IKBKE: variants seen among roughly 807,000 people sequenced by gnomAD.
IKBKE encodes the protein inhibitor of nuclear factor kappa B kinase subunit epsilon.
IKBKE carries 45 observed loss-of-function variants against 92.1 expected under a neutral mutation model. That is an observed-to-expected ratio of 0.49 (90% CI 0.38 to 0.63). IKBKE has a LOEUF of 0.63. IKBKE is among the 20% of genes least tolerant of loss of function. The pLI is 0.00. For missense variants in IKBKE, 700 were observed against 932.8 expected (o/e 0.75, Z 3.25); for synonymous variants, 374 against 380.3 (o/e 0.98, Z 0.19).
In IKBKE at chr1:206,476,856, G is replaced by T. The variant is rs1553385499; in HGVS notation, c.701+18G>T. On this transcript the variant is annotated intron_variant, in intron 7 of 21. Transcript: ENST00000581977. This position sits in a 1 kb window ranked among gnomAD's most constrained non-coding sequence, Gnocchi z 5.1. The stretch of plus-strand genomic sequence containing the variant: ...GAGATCATGTACGGTGGGCCACAGG[G>T]CAGGGAATGGGGCGGACTGGCAGTC... 1.9e-6 allele frequency: 3 copies of T among 1,613,766 alleles called. No individual in the cohort carries two copies. Among genetic ancestry groups the T allele is most frequent in the East Asian group, 4.5e-5 (2 of 44,870 alleles).
chr1:206,474,588 CA>C, intron 4 of IKBKE, 117 bp downstream of exon 4: 2 of 1,124,760 alleles, frequency 1.8e-6, no homozygotes, highest in Non-Finnish European at 2.5e-6. Flanking sequence ...TCAGAGACAG[CA>C]GGCAAATTGC....
chr1:206,472,086 C>T (rs1483213732), intron 2 of IKBKE, among the ~76,000 whole-genome samples: 2 of 152,130 alleles, frequency 1.3e-5, no homozygotes, highest in Non-Finnish European at 2.9e-5. Flanking sequence ...CCCATCTCTA[C>T]TAAAAATACA....
chr1:206,479,770 G>A (rs1000756535), intron 10 of IKBKE, 100 bp from the exon 11 acceptor site: 1 of 1,239,320 alleles, frequency 8.1e-7, no homozygotes, highest in Non-Finnish European at 1.2e-6. Flanking sequence ...CCTGAGGTGG[G>A]AGATTGGCAG....
In IKBKE at chr1:206,476,711, A is replaced by G. The variant is rs1665085112; in HGVS notation, c.574A>G (p.Lys192Glu). The change falls in exon 7 of 22, where the codon AAG becomes GAG. Residue 192 changes from lysine (K) to glutamate (E), a missense_variant. Transcript: ENST00000581977. This position sits in a 1 kb window ranked among gnomAD's most constrained non-coding sequence, Gnocchi z 5.1. ...PDMYERAVLR[K>E]PQQKAFGVTV... The stretch of plus-strand genomic sequence containing the variant: ...CATGTATGAGCGGGCGGTGCTTCGA[A>G]AGCCCCAGCAAAAAGCGTTCGGGGT... 2 of 1,614,216 alleles carry G rather than the reference A, an allele frequency of 1.2e-6. No individual in the cohort carries two copies. The highest frequency in any genetic ancestry group is 1.7e-6 in the Non-Finnish European group (2 of 1,180,042).
At chr1:206,480,979 T>C (rs568219370) in intron 13 of IKBKE, among the ~76,000 whole-genome samples, 1 of 152,320 alleles carries the variant, frequency 6.6e-6, no homozygotes, top group African/African-American at 2.4e-5. Context: ...CTGCTTTCTC[T>C]GAGTCTTCAA....
chr1:206,492,999 T>C lies in IKBKE; in HGVS notation c.1836-24T>C, dbSNP rs1312214742. The C allele has an allele frequency of 1.0e-5, 16 of 1,551,394 alleles. No homozygotes were observed. In the African/African-American group the frequency reaches 1.8e-4, roughly 17 times the overall value. Reference sequence around the variant, plus strand: ...AATGGGCTGAGTCCTGCTCTAATTCTAAGTCTCTGTGTGTTCTCTTGAGGG... The same window carrying C: ...AATGGGCTGAGTCCTGCTCTAATTCCAAGTCTCTGTGTGTTCTCTTGAGGG... On this transcript the variant is annotated intron_variant, in intron 18 of 21. Coordinates refer to ENST00000581977, the MANE Select transcript of IKBKE (RefSeq NM_014002.4).
rs41299874 is a variant in IKBKE at position 206,493,804 on chromosome 1, A to C, written c.2046-116A>C. The C allele has an allele frequency of 7.1e-3, 5,212 of 737,056 alleles. 74 individuals are homozygous for C. The highest frequency in any genetic ancestry group is 0.048 in the African/African-American group (2,723 of 56,714). 45.7% of individuals were successfully genotyped at this position (737,056 alleles called of 1,614,324 possible). On this transcript the variant is annotated intron_variant, in intron 20 of 21. Coordinates refer to ENST00000581977, the MANE Select transcript of IKBKE (RefSeq NM_014002.4). The stretch of plus-strand genomic sequence containing the variant: ...ACTCCGTCTCAAATAAGCAAACAAA[A>C]AAGAATAAAGAGGCTTCTTTGGTGG...
At chr1:206,486,836 G>C (rs1277255769) in intron 15 of IKBKE, among the ~76,000 whole-genome samples, 6 of 145,042 alleles carry the variant, frequency 4.1e-5, no homozygotes, top group African/African-American at 1.5e-4. Flanking sequence ...TCGAGGCCCC[G>C]TCCTTTTGGA....
intron 2 of IKBKE, among the ~76,000 whole-genome samples, chr1:206,471,748 A>G (rs1664785615): frequency 6.6e-6 from 1 of 152,190 alleles, no homozygotes; most frequent in African/African-American, 2.4e-5. Context: ...CCTGATCTGA[A>G]ACTAGGAGTT....
intron 4 of IKBKE, 130 bp from the exon 5 acceptor site, chr1:206,474,735 G>C: frequency 8.9e-7 from 1 of 1,129,808 alleles, no homozygotes; most frequent in Non-Finnish European, 1.3e-6. Flanking sequence ...GTGAGGCCAA[G>C]GAGGGAAGGC....
Position 206,490,695 on chromosome 1 carries a change from G to A in IKBKE, c.1694-124G>A. 1 of 950,742 alleles carries A rather than the reference G, an allele frequency of 1.1e-6. No homozygotes were observed. The highest frequency in any genetic ancestry group is 1.7e-6 in the Non-Finnish European group (1 of 589,702). 58.9% of individuals were successfully genotyped at this position (950,742 alleles called of 1,614,324 possible). ...TCTGCCCCTCCTGCTCCGCTGGGCG[G>A]TGAGTTCCCGTGAAGCAGCACAGGC... On this transcript the variant is annotated intron_variant, in intron 16 of 21. Coordinates refer to ENST00000581977, the MANE Select transcript of IKBKE (RefSeq NM_014002.4). The surrounding 1 kb of genome is among the most constrained non-coding windows in gnomAD (Gnocchi z 5.2).
At chr1:206,473,655 A>C (rs1664897367) in intron 3 of IKBKE, among the ~76,000 whole-genome samples, 1 of 151,928 alleles carries the variant, frequency 6.6e-6, no homozygotes, top group African/African-American at 2.4e-5. Flanking sequence ...GATGATATCC[A>C]CTCTGTCTTA....
rs58971788 is a variant in IKBKE, at chr1:206,494,592, CTTTTTTTTTTTTT to C, written c.2117+618_2117+630del. The stretch of plus-strand genomic sequence containing the variant: ...TTTTGCATACCAGTAAAAGTTCTTT[CTTTTTTTTTTTTT>C]TTTTTTTTTTTTTTTTGAGACGGAG... On this transcript the variant is annotated intron_variant, in intron 21 of 21. Coordinates refer to ENST00000581977, the MANE Select transcript of IKBKE (RefSeq NM_014002.4). 2.2e-3 allele frequency among the ~76,000 whole-genome samples: 143 copies of C among 63,902 alleles called. 2 individuals are homozygous for C. The highest frequency in any genetic ancestry group is 7.6e-3 in the African/African-American group (132 of 17,406). The allele number at this position is 63,902 out of a possible 152,430, so 41.9% of individuals were successfully genotyped here. A position where few individuals can be genotyped will look rare whatever the true frequency, so the allele number is the denominator to read the frequency against.
At chr1:206,475,216 C>T (rs1553384944) in intron 5 of IKBKE, 3 of 533,866 alleles carry the variant, frequency 5.6e-6, no homozygotes, top group African/African-American at 3.8e-5. Flanking sequence ...GTGGGAGGTA[C>T]CTAAAATAGA....
At chr1:206,491,842 A>T (rs1665965238) in intron 18 of IKBKE, 93 bp downstream of exon 18, 1 of 884,348 alleles carries the variant, frequency 1.1e-6, no homozygotes, top group South Asian at 1.3e-5. Flanking sequence ...CCTGAGGCAG[A>T]GGGAGGAGTG....
chr1:206,487,846 C>A lies in IKBKE; in HGVS notation c.1617-68C>A. Reference sequence around the variant, plus strand: ...CTCCCCTATTCCACTGCCACCCTTCCCCTCCCTCCCTCTTTCCTCTGTGCT... The same window carrying A: ...CTCCCCTATTCCACTGCCACCCTTCACCTCCCTCCCTCTTTCCTCTGTGCT... On this transcript the variant is annotated intron_variant, in intron 15 of 21. Transcript: ENST00000581977. The surrounding 1 kb of genome is among the most constrained non-coding windows in gnomAD (Gnocchi z 5.3). 7.7e-7 allele frequency: 1 copy of A among 1,295,558 alleles called. No individual in the cohort carries two copies. Among genetic ancestry groups the A allele is most frequent in the South Asian group, 1.2e-5 (1 of 80,112 alleles). 80.3% of individuals were successfully genotyped at this position (1,295,558 alleles called of 1,614,324 possible).
chr1:206,472,552 C>T lies in IKBKE; in HGVS notation c.-32-644C>T, dbSNP rs138156721. Among the ~76,000 whole-genome samples the T allele has an allele frequency of 1.2e-4, 18 of 151,140 alleles. No individual in the cohort carries two copies. The East Asian group carries it at 3.3e-3, about 28-fold the overall frequency. ...TCACACACACACCCACACCCTTCTCCCCAACGCCCTACACACATACACACA... is the reference window on the plus strand; with the variant it reads ...TCACACACACACCCACACCCTTCTCTCCAACGCCCTACACACATACACACA... On this transcript the variant is annotated intron_variant, in intron 2 of 21. Transcript: ENST00000581977.
chr1:206,487,804 C>A lies in IKBKE; in HGVS notation c.1617-110C>A. On this transcript the variant is annotated intron_variant, in intron 15 of 21. Coordinates refer to ENST00000581977, the MANE Select transcript of IKBKE (RefSeq NM_014002.4). This position sits in a 1 kb window ranked among gnomAD's most constrained non-coding sequence, Gnocchi z 5.3. ...CCACTCCCAGACTGATCCCCCAAAACTGTGGCTGTGAGGCTCCTCCCCTAT... is the reference window on the plus strand; with the variant it reads ...CCACTCCCAGACTGATCCCCCAAAAATGTGGCTGTGAGGCTCCTCCCCTAT... The A allele has an allele frequency of 2.5e-6, 2 of 801,004 alleles. No individual in the cohort carries two copies. Among genetic ancestry groups the A allele is most frequent in the South Asian group, 1.6e-5 (1 of 61,532 alleles). The allele number at this position is 801,004 out of a possible 1,614,324, so 49.6% of individuals were successfully genotyped here.
At chr1:206,474,633 G>A (rs543222268) in intron 4 of IKBKE, among the ~76,000 whole-genome samples, 162 bp downstream of exon 4, 5 of 152,104 alleles carry the variant, frequency 3.3e-5, no homozygotes, top group South Asian at 2.1e-4. Flanking sequence ...GGGTGGGGGC[G>A]GTGCACTGGA....
Sources: allele counts gnomAD v4.1 joint callset (sites outside exome capture counted in the v4.1 genomes callset), GRCh38; gene constraint gnomAD v4.1.1; non-coding constraint Gnocchi (gnomAD v3.1); transcripts MANE v1.5; gene names NCBI Gene and HGNC (gene_info 2026-07-23, HGNC 2026-07-21).